The following KCNH2 variants were observed in gnomAD, a reference collection of about 807,000 sequenced individuals.
KCNH2 encodes the protein potassium voltage-gated channel subfamily H member 2.
Under a neutral mutation model 95.9 loss-of-function variants are expected in KCNH2, and 35 were observed. The ratio of observed to expected loss-of-function variants is 0.37; its 90% CI spans 0.28 to 0.48. KCNH2 has a LOEUF of 0.48. Among genes scored for constraint, KCNH2 ranks in the 20% least tolerant of loss-of-function variants. The probability of loss-of-function intolerance (pLI) is 0.99; values close to 1 mark genes in which losing one functional copy is unlikely to be tolerated. For synonymous variants in KCNH2, 786 were observed against 754.7 expected (o/e 1.04, Z -0.68); for missense variants, 1,274 against 1,702.9 (o/e 0.75, Z 4.43).
intron 13 of KCNH2, 128 bp downstream of exon 13, chr7:150,947,200 C>T: frequency 8.9e-7 from 1 of 1,129,502 alleles, no homozygotes; most frequent in South Asian, 1.6e-5. Flanking sequence ...CCCAGCTGGG[C>T]TAGGAATGGA....
intron 8 of KCNH2, 56 bp from the exon 9 acceptor site, chr7:150,950,476 C>T: frequency 2.5e-6 from 4 of 1,590,776 alleles, no homozygotes; most frequent in Non-Finnish European, 3.4e-6. Flanking sequence ...CCCCAACCCA[C>T]ACTCTACTCC....
rs199472870 is a variant in KCNH2, at chr7:150,958,268, C to A, written c.707G>T (p.Gly236Val). 49 of 1,447,338 alleles carry A rather than the reference C, an allele frequency of 3.4e-5. No individual in the cohort carries two copies. In the African/African-American group the frequency reaches 6.5e-4, roughly 19 times the overall value. The allele number at this position is 1,447,338 out of a possible 1,614,324, so 89.7% of individuals were successfully genotyped here. Residue 236 changes from glycine (G) to valine (V), a missense_variant, in exon 4 of 15, where the codon GGT (glycine) becomes GTT (valine). Physicochemically the swap from Gly to Val is moderately radical, Grantham distance 109. This residue lies in a region of KCNH2 where 392 missense variants were observed against 429.9 expected (regional missense o/e 0.91). Transcript: ENST00000262186. ...GPAEERRALVGPGSPPRSAPG... is the reference protein window; with the variant it reads ...GPAEERRALVVPGSPPRSAPG... ...CGCGCTGCGGGGCGGAGAGCCGGGA[C>A]CCACCAGCGCACGCCGCTCCTCCGC...
At chr7:150,954,675 G>A (rs1223445794) in intron 5 of KCNH2, among the ~76,000 whole-genome samples, 2 of 152,222 alleles carry the variant, frequency 1.3e-5, no homozygotes, top group African/African-American at 4.8e-5. Flanking sequence ...ATGAGCCAAG[G>A]CAGAATGTGC....
Position 150,977,802 on chromosome 7 carries a change from GAGCCCCCTCCCCGCTC to G in KCNH2, c.76+20_76+35del, listed in dbSNP as rs1802014258. On this transcript the variant is annotated intron_variant, in intron 1 of 14. Transcript: ENST00000262186. ...CTCGGAAGAGCTCGGCCCGCCCCCA[GAGCCCCCTCCCCGCTC>G]AGCCCCCTCCCCCACTCACTCTGGC... is the stretch of plus-strand genomic sequence containing the variant. 4 of 304,124 alleles carry G rather than the reference GAGCCCCCTCCCCGCTC, an allele frequency of 1.3e-5. No homozygotes were observed. The highest frequency in any genetic ancestry group is 1.8e-5 in the Non-Finnish European group (3 of 167,024). The allele number at this position is 304,124 out of a possible 1,614,324, so 18.8% of individuals were successfully genotyped here.
Position 150,958,293 on chromosome 7 carries a change from C to G in KCNH2, c.682G>C (p.Ala228Pro), listed in dbSNP as rs989191027. The change falls in exon 4 of 15, where the codon GCG (alanine) becomes CCG (proline). Residue 228 changes from alanine to proline, a missense_variant. Coordinates refer to ENST00000262186, the MANE Select transcript of KCNH2 (RefSeq NM_000238.4). ...MDNHVAGLGP[A>P]EERRALVGPG... is the part of the protein sequence containing the mutation. ...CCCACCAGCGCACGCCGCTCCTCCG[C>G]GGGCCCGAGCCCTGCCACGTGGTTG... The G allele has an allele frequency of 5.5e-6, 8 of 1,466,674 alleles. No individual in the cohort carries two copies. The African/African-American group carries it at 1.0e-4, about 19-fold the overall frequency. 90.9% of individuals were successfully genotyped at this position (1,466,674 alleles called of 1,614,324 possible).
chr7:150,947,447 C>A lies in KCNH2; in HGVS notation c.3033G>T (p.Glu1011Asp). 1 of 1,565,140 alleles carries A rather than the reference C, an allele frequency of 6.4e-7. No homozygotes were observed. Among genetic ancestry groups the A allele is most frequent in the Non-Finnish European group, 8.7e-7 (1 of 1,155,296 alleles). The change falls in exon 13 of 15, where the codon GAG becomes GAT. Residue 1011 changes from glutamate to aspartate, a missense_variant. Glu to Asp is a conservative substitution (Grantham distance 45, BLOSUM62 2). Coordinates refer to ENST00000262186, the MANE Select transcript of KCNH2 (RefSeq NM_000238.4). ...GGGTGGGGGCGGGGCATCGAGGGAG[C>A]TCCTGGTACTGGCGGCCCCGACTGT... is the stretch of plus-strand genomic sequence containing the variant. ...WGDSRGRQYQ[E>D]LPRCPAPTPS...
At chr7:150,975,232 G>A (rs1375607978) in intron 1 of KCNH2, among the ~76,000 whole-genome samples, 5 of 152,118 alleles carry the variant, frequency 3.3e-5, no homozygotes, top group Admixed American at 1.3e-4. Context: ...CCATGCCCGA[G>A]GCTGAGGCCA....
Position 150,949,253 on chromosome 7 carries a change from G to T in KCNH2, c.2399-204C>A, listed in dbSNP as rs57900182. ...CCCAGCAGGCACGACAGTGCCAGAG[G>T]GGCCAGGAGCCCAGGGTCTCCCAGC... On this transcript the variant is annotated intron_variant, in intron 9 of 14. Coordinates refer to ENST00000262186, the MANE Select transcript of KCNH2 (RefSeq NM_000238.4). 9.0e-3 allele frequency among the ~76,000 whole-genome samples: 1,373 copies of T among 152,212 alleles called. 23 individuals carry two copies. Among genetic ancestry groups the T allele is most frequent in the African/African-American group, 0.031 (1,286 of 41,520 alleles).
chr7:150,970,535 G>C (rs960764851), intron 2 of KCNH2, among the ~76,000 whole-genome samples: 2 of 152,164 alleles, frequency 1.3e-5, no homozygotes, highest in Non-Finnish European at 2.9e-5. Flanking sequence ...CTGCAGCCCC[G>C]GCAGACCAGG....
At position 150,946,561 on chromosome 7, in the gene KCNH2, G is replaced by C. The variant is rs1014243350; in HGVS notation, c.3330+316C>G. Among the ~76,000 whole-genome samples, 1 of 152,204 alleles carries C rather than the reference G, an allele frequency of 6.6e-6. No individual in the cohort carries two copies. The highest frequency in any genetic ancestry group is 2.4e-5 in the African/African-American group (1 of 41,444). On this transcript the variant is annotated intron_variant, in intron 14 of 14. Coordinates refer to ENST00000262186, the MANE Select transcript of KCNH2 (RefSeq NM_000238.4). The surrounding 1 kb of genome is among the most constrained non-coding windows in gnomAD (Gnocchi z 6.5). ...GAGACAGGCACCACCGTTGGAGCTGGCTCTTCAGGCGATGCTCCGGGGCCT... is the reference window on the plus strand; with the variant it reads ...GAGACAGGCACCACCGTTGGAGCTGCCTCTTCAGGCGATGCTCCGGGGCCT...
In KCNH2 at chr7:150,947,525, A is replaced by G; in HGVS notation, c.2966-11T>C. The G allele has an allele frequency of 6.3e-7, 1 of 1,598,366 alleles. No homozygotes were observed. Among genetic ancestry groups the G allele is most frequent in the Non-Finnish European group, 8.5e-7 (1 of 1,173,224 alleles). On this transcript the variant is annotated splice_polypyrimidine_tract_variant and intron_variant, in intron 12 of 14. Coordinates refer to ENST00000262186, the MANE Select transcript of KCNH2 (RefSeq NM_000238.4). ...CTCCTGAGAAGGCGCCTGCAGCCAG[A>G]GAGCAGAGCTGGGTGAGCGGGGTAG... is the stretch of plus-strand genomic sequence containing the variant.
intron 11 of KCNH2, among the ~76,000 whole-genome samples, chr7:150,948,225 T>A (rs1021329292): frequency 6.6e-6 from 1 of 152,118 alleles, no homozygotes; most frequent in Non-Finnish European, 1.5e-5. Context: ...AGCCTAGGCT[T>A]GCCCTGGAGG....
chr7:150,955,430 C>G, intron 5 of KCNH2: 1 of 1,566,090 alleles, frequency 6.4e-7, no homozygotes, highest in Non-Finnish European at 8.6e-7. Context: ...GCGCACGGCC[C>G]GCCTCACCCG....
At position 150,975,174 on chromosome 7, in the gene KCNH2, G is replaced by A. The variant is rs534758405; in HGVS notation, c.77-233C>T. 2.0e-5 allele frequency among the ~76,000 whole-genome samples: 3 copies of A among 151,956 alleles called. No homozygotes were observed. The East Asian group carries it at 5.8e-4, about 29-fold the overall frequency. ...CCCTCCTCCGCCTGGCCCGCGGGCG[G>A]GCTGCGTGGCTTCCCCCGGGCAGGC... On this transcript the variant is annotated intron_variant, in intron 1 of 14. Coordinates refer to ENST00000262186, the MANE Select transcript of KCNH2 (RefSeq NM_000238.4).
At position 150,946,205 on chromosome 7, in the gene KCNH2, A is replaced by G. The variant is rs1263517968; in HGVS notation, c.3330+672T>C. Among the ~76,000 whole-genome samples, 1 of 151,218 alleles carries G rather than the reference A, an allele frequency of 6.6e-6. No homozygotes were observed. Among genetic ancestry groups the G allele is most frequent in the Non-Finnish European group, 1.5e-5 (1 of 67,598 alleles). ...GTCCCCACCATGGACGCGGAGGTTGACACAGACACCGCCATCCTGCAGAGG... is the reference window on the plus strand; with the variant it reads ...GTCCCCACCATGGACGCGGAGGTTGGCACAGACACCGCCATCCTGCAGAGG... On this transcript the variant is annotated intron_variant, in intron 14 of 14. Coordinates refer to ENST00000262186, the MANE Select transcript of KCNH2 (RefSeq NM_000238.4). This position sits in a 1 kb window ranked among gnomAD's most constrained non-coding sequence, Gnocchi z 6.5.
intron 11 of KCNH2, 32 bp from the exon 12 acceptor site, chr7:150,947,910 GGGA>G (rs2116934487): frequency 6.5e-7 from 1 of 1,527,432 alleles, no homozygotes; most frequent in Non-Finnish European, 8.7e-7. Flanking sequence ...CCTCAGAGAG[GGGA>G]GGAGAACAGA....
rs41312081 is a variant in KCNH2, at chr7:150,944,968, A to G, written c.*397T>C. ...CTCCCAGCACCACTGGAGTCTCCTC[A>G]GGATAATTATTTATTATTCATAGTC... On this transcript the variant is annotated 3_prime_UTR_variant, in exon 15 of 15. Coordinates refer to ENST00000262186, the MANE Select transcript of KCNH2 (RefSeq NM_000238.4). 212 of 184,864 alleles carry G rather than the reference A, an allele frequency of 1.1e-3. 6 individuals carry two copies. In the East Asian group the frequency reaches 0.027, roughly 23 times the overall value. The allele number at this position is 184,864 out of a possible 1,614,324, so 11.5% of individuals were successfully genotyped here.
chr7:150,958,035 G>A, intron 4 of KCNH2, 24 bp downstream of exon 4: 1 of 1,266,868 alleles, frequency 7.9e-7, no homozygotes, highest in South Asian at 3.3e-5. Context: ...GGCTGGGGCG[G>A]AACGGGTCCC....
In KCNH2 at chr7:150,977,826, T is replaced by A; in HGVS notation, c.76+12A>T. On this transcript the variant is annotated intron_variant, in intron 1 of 14. Coordinates refer to ENST00000262186, the MANE Select transcript of KCNH2 (RefSeq NM_000238.4). ...AGAGCCCCCTCCCCGCTCAGCCCCC[T>A]CCCCCACTCACTCTGGCCCTCAAAC... The A allele has an allele frequency of 1.2e-4, 40 of 322,564 alleles. No homozygotes were observed. The highest frequency in any genetic ancestry group is 1.9e-4 in the Non-Finnish European group (37 of 198,216). The allele number at this position is 322,564 out of a possible 1,614,324, so 20.0% of individuals were successfully genotyped here.
Sources: gnomAD v4.1 joint callset for allele counts (sites outside exome capture counted in the v4.1 genomes callset) on GRCh38, gnomAD v4.1.1 for gene constraint, gnomAD v4.1.1 regional missense constraint, Gnocchi (gnomAD v3.1) non-coding constraint, MANE v1.5 for transcripts, NCBI Gene and HGNC (gene_info 2026-07-23, HGNC 2026-07-21) for gene names.